Variants in TPM1 observed in about 807,000 individuals in gnomAD.
The protein encoded by TPM1 is tropomyosin alpha-1 chain.
TPM1 carries 24 observed loss-of-function variants against 42.9 expected under a neutral mutation model. The observed-to-expected ratio is 0.56, with a 90% CI of 0.41 to 0.79. TPM1 has a LOEUF of 0.79. Among genes scored for constraint, TPM1 ranks in the 30% least tolerant of loss-of-function variants. The pLI, the probability that TPM1 is intolerant of heterozygous loss-of-function variation, is 0.00. For synonymous variants in TPM1, 136 were observed against 130.1 expected, an observed-to-expected ratio of 1.05 and a Z score of -0.31; for missense variants, 158 against 351.8, an observed-to-expected ratio of 0.45 and a Z score of 4.41.
chr15:63,050,812 C>G (rs1280144372), intron 2 of TPM1, among the ~76,000 whole-genome samples: 2 of 152,216 alleles, frequency 1.3e-5, no homozygotes. Flanking sequence ...TTAGATGTAG[C>G]TTGGGCTGTG....
chr15:63,071,789 G>A (rs1177837781), exon 9 of TPM1: 1 of 156,104 alleles, frequency 6.4e-6, no homozygotes, highest in African/African-American at 2.4e-5. Flanking sequence ...ACTCTTTTCA[G>A]TCCTTCATGT....
intron 1 of TPM1, chr15:63,043,664 G>A (rs1370585243): frequency 6.5e-7 from 1 of 1,537,442 alleles, no homozygotes; most frequent in Non-Finnish European, 8.7e-7. Context: ...TCTAACACCC[G>A]GTCCGTGCCG....
At chr15:63,046,714 CAT>C (rs1266391603) in intron 2 of TPM1, 1 of 152,588 alleles carries the variant, frequency 6.6e-6, no homozygotes, top group African/African-American at 2.4e-5. Context: ...ATATTTATAG[CAT>C]ATGAGTCTTT....
chr15:63,063,184 T>C (rs115521315), intron 8 of TPM1: 17 of 985,428 alleles, frequency 1.7e-5, no homozygotes, highest in Non-Finnish European at 1.9e-5. Context: ...ATTTTAGTAA[T>C]AACCACTCTA....
exon 9 of TPM1, chr15:63,071,189 G>T: frequency 4.0e-6 from 6 of 1,501,544 alleles, no homozygotes; most frequent in South Asian, 2.3e-5. Context: ...CCTTAGCTGC[G>T]ACCACATTCT....
At chr15:63,060,139 C>T (rs369794825) in intron 4 of TPM1, among the ~76,000 whole-genome samples, 5 of 152,156 alleles carry the variant, frequency 3.3e-5, no homozygotes, top group African/African-American at 1.2e-4. Context: ...CTATTATCAA[C>T]GCAGGTTTTC....
rs769605281 is a variant in TPM1, at chr15:63,059,575, C to A, written c.387C>A (p.Val129=). 3 of 1,609,900 alleles carry A rather than the reference C, an allele frequency of 1.9e-6. No individual in the cohort carries two copies. Among genetic ancestry groups the A allele is most frequent in the South Asian group, 2.2e-5 (2 of 90,828 alleles). The change falls in exon 4 of 10, where the codon GTC becomes GTA. Residue 129 remains valine (V), a synonymous_variant. Coordinates refer to ENST00000403994, the MANE Select transcript of TPM1 (RefSeq NM_001018005.2). ...AADESERGMK[V]IESRAQKDEE... ...TCTTTCTTTTCAGAGGCATGAAAGT[C>A]ATTGAGAGTCGAGCCCAAAAAGATG...
At chr15:63,062,085 A>T (rs1286943501) in intron 6 of TPM1, 130 bp from the exon 7 acceptor site, 6 of 812,350 alleles carry the variant, frequency 7.4e-6, no homozygotes, top group Admixed American at 5.7e-5. Flanking sequence ...GTGCCATTTG[A>T]TATCAGAGGT....
chr15:63,052,604 G>A (rs914156442), intron 2 of TPM1, among the ~76,000 whole-genome samples: 1 of 152,100 alleles, frequency 6.6e-6, no homozygotes, highest in Non-Finnish European at 1.5e-5. Context: ...TGTGTCTGGG[G>A]TCTTGACCCT....
rs730881137 is a variant in TPM1 at position 63,060,889 on chromosome 15, C to G, written c.513C>G (p.Ile171Met). 1 of 1,614,196 alleles carries G rather than the reference C, an allele frequency of 6.2e-7. No individual in the cohort carries two copies. Among genetic ancestry groups the G allele is most frequent in the Non-Finnish European group, 8.5e-7 (1 of 1,180,030 alleles). ...TGCAGGTGGCCCGTAAGCTGGTCAT[C>G]ATTGAGAGCGACCTGGAACGTGCAG... ...KYEEVARKLV[I>M]IESDLERAEE... The change falls in exon 5 of 10, where the codon ATC becomes ATG. Residue 171 changes from isoleucine (I) to methionine (M), a missense_variant. Around this residue, in one of 4 missense-constraint regions of TPM1, gnomAD observed 65 missense variants for 208.8 expected, o/e 0.31. Coordinates refer to ENST00000403994, the MANE Select transcript of TPM1 (RefSeq NM_001018005.2).
At position 63,062,029 on chromosome 15, in the gene TPM1, A is replaced by T. The variant is rs557530837; in HGVS notation, c.640-186A>T. 378 of 695,832 alleles carry T rather than the reference A, an allele frequency of 5.4e-4. 1 individual carries two copies. The highest frequency in any genetic ancestry group is 2.3e-3 in the South Asian group (138 of 60,162). The allele number at this position is 695,832 out of a possible 1,614,324, so 43.1% of individuals were successfully genotyped here. A position where few individuals can be genotyped will look rare whatever the true frequency, so the allele number is the denominator to read the frequency against. ...CAAGTGGATAAGTTATCTTGTTGTT[A>T]TCCCATGTAAAACAATAGGCAAGAA... On this transcript the variant is annotated intron_variant, in intron 6 of 9. Transcript: ENST00000403994.
Position 63,043,884 on chromosome 15 carries a change from TTCTC to T in TPM1, c.115-136_115-133del, listed in dbSNP as rs2031797500. ...CGCACGAATGGCTAACTCTTTCTCT[TTCTC>T]TCTCTCCCTCCCTGTCTTTCCCTCT... On this transcript the variant is annotated intron_variant, in intron 1 of 9. Coordinates refer to ENST00000403994, the MANE Select transcript of TPM1 (RefSeq NM_001018005.2). 5 of 1,550,748 alleles carry T rather than the reference TTCTC, an allele frequency of 3.2e-6. No homozygotes were observed. In the Admixed American group the frequency reaches 7.8e-5, roughly 24 times the overall value.
exon 9 of TPM1, chr15:63,071,687 G>A (rs1028261178): frequency 2.5e-4 from 44 of 178,570 alleles, no homozygotes; most frequent in Non-Finnish European, 3.7e-4. Flanking sequence ...GGGTCTGTAA[G>A]CCACGCTGCT....
At chr15:63,067,726 G>A (rs2036358684), downstream of TPM1, among the ~76,000 whole-genome samples, 1 of 152,202 alleles carries the variant, frequency 6.6e-6, no homozygotes, top group African/African-American at 2.4e-5. Context: ...TTGTTCAACT[G>A]TTGATTTGAA....
chr15:63,067,780 C>G (rs568563576), downstream of TPM1, among the ~76,000 whole-genome samples: 5 of 152,218 alleles, frequency 3.3e-5, no homozygotes, highest in African/African-American at 1.2e-4. Context: ...TACAGCTGCT[C>G]TGGTGGGCCA....
intron 1 of TPM1, 123 bp from the exon 2 acceptor site, chr15:63,043,904 C>T: frequency 6.4e-7 from 1 of 1,552,638 alleles, no homozygotes; most frequent in Non-Finnish European, 8.7e-7. Context: ...CCCTCCCTGT[C>T]TTTCCCTCTG....
chr15:63,069,683 T>C (rs375779655), downstream of TPM1, among the ~76,000 whole-genome samples: 118 of 152,252 alleles, frequency 7.8e-4, 2 homozygotes, highest in South Asian at 0.024. Context: ...CTACCAAGCT[T>C]TTTAGGGTCT....
chr15:63,048,789 C>G (rs748450744), intron 2 of TPM1: 28 of 1,490,060 alleles, frequency 1.9e-5, no homozygotes, highest in African/African-American at 8.6e-5. Flanking sequence ...TGCTTCCCCC[C>G]CCGCAGGCCC....
At chr15:63,052,095 A>G (rs569721319) in intron 2 of TPM1, among the ~76,000 whole-genome samples, 1 of 149,690 alleles carries the variant, frequency 6.7e-6, no homozygotes, top group African/African-American at 2.5e-5. Context: ...GGACATTGGT[A>G]GCCTTTACTA....
Sources: allele counts gnomAD v4.1 joint callset (sites outside exome capture counted in the v4.1 genomes callset), GRCh38; gene constraint gnomAD v4.1.1; regional missense constraint gnomAD v4.1.1; transcripts MANE v1.5; gene names NCBI Gene and HGNC (gene_info 2026-07-23, HGNC 2026-07-21).